GNB5: variants seen among roughly 807,000 people sequenced by gnomAD.
GNB5 encodes guanine nucleotide-binding protein subunit beta-5.
Under a neutral mutation model 55.3 loss-of-function variants are expected in GNB5, and 37 were observed. That is an observed-to-expected ratio of 0.67 (90% CI 0.51 to 0.88). GNB5 has a LOEUF of 0.88. Ranked by LOEUF, GNB5 falls within the 40% of genes least tolerant of loss-of-function variation. The probability of loss-of-function intolerance (pLI) is 0.00; values close to 1 mark genes in which losing one functional copy is unlikely to be tolerated. For missense variants in GNB5, 476 were observed against 515.3 expected, an observed-to-expected ratio of 0.92 and a Z score of 0.74; for synonymous variants, 219 against 198.5, an observed-to-expected ratio of 1.10 and a Z score of -0.87.
chr15:52,176,363 G>T (rs74433540), intron 3 of GNB5, among the ~76,000 whole-genome samples: 7,489 of 152,310 alleles, frequency 0.049, 241 homozygotes, highest in African/African-American at 0.087. Flanking sequence ...TCATCGCACA[G>T]ATGGGGATGA....
intron 4 of GNB5, among the ~76,000 whole-genome samples, chr15:52,151,353 C>G (rs1007129004): frequency 2.0e-5 from 3 of 152,166 alleles, no homozygotes; most frequent in Non-Finnish European, 4.4e-5. Context: ...TCTGGAGTCC[C>G]TGTGTGTGCC....
At chr15:52,180,078 G>C in intron 2 of GNB5, 199 bp from the exon 3 acceptor site, 1 of 507,170 alleles carries the variant, frequency 2.0e-6, no homozygotes, top group South Asian at 8.8e-5. Context: ...CTGGCGCAGT[G>C]CCTGGTGCGA....
intron 2 of GNB5, among the ~76,000 whole-genome samples, chr15:52,183,478 T>C (rs974084444): frequency 6.6e-6 from 1 of 152,176 alleles, no homozygotes; most frequent in African/African-American, 2.4e-5. Context: ...TGAAGACATA[T>C]CCAAATTGCT....
chr15:52,137,811 G>T, intron 7 of GNB5: 1 of 1,272,046 alleles, frequency 7.9e-7, no homozygotes, highest in South Asian at 1.3e-5. Context: ...CAATGGAGGG[G>T]ACCTGCAAGG....
At chr15:52,162,512 C>T (rs1025737825) in intron 3 of GNB5, among the ~76,000 whole-genome samples, 4 of 152,162 alleles carry the variant, frequency 2.6e-5, no homozygotes, top group Admixed American at 2.6e-4. Flanking sequence ...AATAAATACT[C>T]TGAAACCGAC....
At chr15:52,177,088 G>T (rs956998203) in intron 3 of GNB5, among the ~76,000 whole-genome samples, 1 of 143,872 alleles carries the variant, frequency 7.0e-6, no homozygotes, top group Admixed American at 7.2e-5. Flanking sequence ...AGGCTGGAGT[G>T]CAGTGGCAAG....
In GNB5 at chr15:52,129,807, C is replaced by T. The variant is rs1016218736; in HGVS notation, c.864-1563G>A. Among the ~76,000 whole-genome samples, 10 of 152,148 alleles carry T rather than the reference C, an allele frequency of 6.6e-5. No individual in the cohort carries two copies. The East Asian group carries it at 1.9e-3, about 29-fold the overall frequency. On this transcript the variant is annotated intron_variant, in intron 9 of 12. Coordinates refer to ENST00000261837, the MANE Select transcript of GNB5 (RefSeq NM_016194.4). ...AGGGGGTGCTACTGGAATTCAGTGG[C>T]TAGGCCATAGGGATGGTAAATGTCT...
chr15:52,163,019 C>T (rs1434436688), intron 3 of GNB5, among the ~76,000 whole-genome samples: 4 of 152,048 alleles, frequency 2.6e-5, no homozygotes, highest in Admixed American at 6.5e-5. Context: ...CTAGTCGGGG[C>T]GACTCACAGA....
rs1006940832 is a variant in GNB5 at position 52,122,693 on chromosome 15, A to G, written c.*64T>C. The G allele has an allele frequency of 8.6e-6, 11 of 1,282,194 alleles. No homozygotes were observed. The highest frequency in any genetic ancestry group is 8.3e-5 in the South Asian group (7 of 84,468). 79.4% of individuals were successfully genotyped at this position (1,282,194 alleles called of 1,614,324 possible). ...TAAACTCTAAGCTCCTCTAGAAGTA[A>G]TATCTATTTACATGTGAAGATTTCA... On this transcript the variant is annotated 3_prime_UTR_variant, in exon 13 of 13. Coordinates refer to ENST00000261837, the MANE Select transcript of GNB5 (RefSeq NM_016194.4).
chr15:52,150,067 T>G (rs1414669223), intron 4 of GNB5, 142 bp from the exon 5 acceptor site: 1 of 662,156 alleles, frequency 1.5e-6, no homozygotes, highest in Non-Finnish European at 2.7e-6. Context: ...GACCCCCTAA[T>G]CTATCCATGA....
intron 6 of GNB5, chr15:52,147,161 G>GTTT: frequency 8.0e-6 from 2 of 248,970 alleles, no homozygotes; most frequent in Non-Finnish European, 1.5e-5. Flanking sequence ...GAGTTTTATG[G>GTTT]TTTTGTTTTT....
At chr15:52,129,709 CCA>C (rs1209532608) in intron 9 of GNB5, among the ~76,000 whole-genome samples, 3 of 152,044 alleles carry the variant, frequency 2.0e-5, no homozygotes, top group Non-Finnish European at 4.4e-5. Context: ...TTTTGTGCCC[CCA>C]GTGTCCCCTC....
chr15:52,164,308 T>TTAAAAA (rs1413717978), intron 3 of GNB5, among the ~76,000 whole-genome samples: 1 of 50,420 alleles, frequency 2.0e-5, no homozygotes, highest in Non-Finnish European at 3.9e-5. Context: ...GACTCTGTCT[T>TTAAAAA]AAAAAAAAAA....
intron 5 of GNB5, among the ~76,000 whole-genome samples, chr15:52,148,827 G>C (rs1028836003): frequency 6.6e-6 from 1 of 152,230 alleles, no homozygotes; most frequent in Non-Finnish European, 1.5e-5. Flanking sequence ...AGCTGAGGTA[G>C]CCACTCTCAG....
In GNB5 at chr15:52,137,164, T is replaced by A. The variant is rs538625845; in HGVS notation, c.628-1408A>T. ...TACTAAGATTCTGCCAAGTGGAGGT[T>A]CTCCCTTACTGTGGCAGGTCAGATA... On this transcript the variant is annotated intron_variant, in intron 7 of 12. Coordinates refer to ENST00000261837, the MANE Select transcript of GNB5 (RefSeq NM_016194.4). The A allele has an allele frequency of 4.9e-5, 46 of 931,392 alleles. 1 individual carries two copies. The South Asian group carries it at 7.5e-4, about 15-fold the overall frequency. The allele number at this position is 931,392 out of a possible 1,614,324, so 57.7% of individuals were successfully genotyped here.
At chr15:52,190,849 G>T (rs1233863214) in intron 1 of GNB5, among the ~76,000 whole-genome samples, 1 of 138,894 alleles carries the variant, frequency 7.2e-6, no homozygotes, top group Admixed American at 7.2e-5. Context: ...TTCATAGAAG[G>T]CCTAAACTTG....
chr15:52,124,579 C>G lies in GNB5; in HGVS notation c.1070G>C (p.Gly357Ala). The G allele has an allele frequency of 6.2e-7, 1 of 1,613,840 alleles. No individual in the cohort carries two copies. Among genetic ancestry groups the G allele is most frequent in the Non-Finnish European group, 8.5e-7 (1 of 1,179,690 alleles). The change falls in exon 12 of 13, where the codon GGG becomes GCG. Residue 357 changes from glycine to alanine, a missense_variant. Gly to Ala is a moderately conservative substitution (Grantham distance 60, BLOSUM62 0). Coordinates refer to ENST00000261837, the MANE Select transcript of GNB5 (RefSeq NM_016194.4). ...TCCAAACAGGATGGAGACCCGGGAC[C>G]CTTTGAGAACATCCCAGACGTTGAT... ...YTINVWDVLK[G>A]SRVSILFGHE...
intron 3 of GNB5, among the ~76,000 whole-genome samples, chr15:52,173,011 C>CT (rs1191964584): frequency 6.6e-5 from 10 of 151,310 alleles, no homozygotes; most frequent in South Asian, 6.2e-4. Context: ...CAATGCCAAT[C>CT]TTTTTTTTTC....
At chr15:52,158,759 G>A (rs1025752380) in intron 3 of GNB5, among the ~76,000 whole-genome samples, 5 of 151,774 alleles carry the variant, frequency 3.3e-5, no homozygotes, top group Non-Finnish European at 7.4e-5. Flanking sequence ...ACGCCATTCA[G>A]ATACAGCTCA....
Sources: gnomAD v4.1 joint callset for allele counts (sites outside exome capture counted in the v4.1 genomes callset) on GRCh38, gnomAD v4.1.1 for gene constraint, MANE v1.5 for transcripts, NCBI Gene and HGNC (gene_info 2026-07-23, HGNC 2026-07-21) for gene names.